EXT2: variants seen among roughly 807,000 people sequenced by gnomAD.
EXT2 encodes exostosin glycosyltransferase 2, also known as exostosin-2.
In EXT2, 53 loss-of-function variants were observed where a neutral mutation model predicts 81.6. The observed-to-expected ratio is 0.65, with a 90% CI of 0.52 to 0.82. The LOEUF (loss-of-function observed/expected upper bound fraction) is 0.82, where lower values mean the gene tolerates loss of function less well. EXT2 is among the 40% of genes least tolerant of loss of function. The probability of loss-of-function intolerance (pLI) is 0.00; values close to 1 mark genes in which losing one functional copy is unlikely to be tolerated. For synonymous variants in EXT2, 320 were observed against 340.0 expected (o/e 0.94, Z 0.65); for missense variants, 774 against 910.2 (o/e 0.85, Z 1.93).
At chr11:44,151,393 T>C (rs982886861) in intron 7 of EXT2, among the ~76,000 whole-genome samples, 33 of 152,160 alleles carry the variant, frequency 2.2e-4, no homozygotes, top group African/African-American at 8.0e-4. Context: ...TGCTCCCTTC[T>C]CCCAACTCTC....
At chr11:44,176,420 G>A (rs1955159231) in intron 8 of EXT2, among the ~76,000 whole-genome samples, 3 of 152,068 alleles carry the variant, frequency 2.0e-5, no homozygotes, top group Admixed American at 6.6e-5. Flanking sequence ...GGTAACATAA[G>A]CATAAAAAGC....
intron 13 of EXT2, among the ~76,000 whole-genome samples, chr11:44,238,642 G>A (rs1955998721): frequency 6.6e-6 from 1 of 152,158 alleles, no homozygotes; most frequent in South Asian, 2.1e-4. Flanking sequence ...AACTGATCAG[G>A]TGAAAGAGAA....
intron 10 of EXT2, among the ~76,000 whole-genome samples, chr11:44,231,750 T>C (rs1404089609): frequency 6.6e-6 from 1 of 152,202 alleles, no homozygotes; most frequent in Non-Finnish European, 1.5e-5. Context: ...ATCCCCAGTA[T>C]ACCCAATTCT....
chr11:44,205,756 T>C (rs1260732194), intron 9 of EXT2, among the ~76,000 whole-genome samples: 1 of 152,236 alleles, frequency 6.6e-6, no homozygotes, highest in Non-Finnish European at 1.5e-5. Flanking sequence ...CCAGGAGCGC[T>C]TTGGGACTTC....
rs532992950 is a variant in EXT2, at chr11:44,249,070, C to T, written c.*4783C>T. ...GGAGTGTAGTGCTGTGATCATGGCT[C>T]GCTGCAGCCTCAAACTCCTGGACTC... is the stretch of plus-strand genomic sequence containing the variant. On this transcript the variant is annotated 3_prime_UTR_variant, in exon 14 of 14. Transcript: ENST00000533608. 5.8e-4 allele frequency among the ~76,000 whole-genome samples: 89 copies of T among 152,150 alleles called. 1 individual carries two copies. The highest frequency in any genetic ancestry group is 2.0e-3 in the African/African-American group (82 of 41,502).
chr11:44,156,951 C>G (rs951112953), intron 7 of EXT2, among the ~76,000 whole-genome samples: 5 of 152,316 alleles, frequency 3.3e-5, no homozygotes, highest in African/African-American at 7.2e-5. Flanking sequence ...GGGCAGCACT[C>G]CAAGCCCAGT....
chr11:44,212,897 A>T lies in EXT2; in HGVS notation c.1662+5938A>T, dbSNP rs143337333. 6.5e-4 allele frequency among the ~76,000 whole-genome samples: 99 copies of T among 152,278 alleles called. 1 individual carries two copies. The highest frequency in any genetic ancestry group is 1.9e-3 in the African/African-American group (79 of 41,570). ...AAAACTACATTGCCAGGCCTGGGGG[A>T]TGGGATTGACCACAAAAAAGCAAGA... is the stretch of plus-strand genomic sequence containing the variant. On this transcript the variant is annotated intron_variant, in intron 10 of 13. Coordinates refer to ENST00000533608, the MANE Select transcript of EXT2 (RefSeq NM_207122.2).
At chr11:44,201,708 A>G (rs192762750) in intron 9 of EXT2, among the ~76,000 whole-genome samples, 3 of 152,248 alleles carry the variant, frequency 2.0e-5, no homozygotes, top group Non-Finnish European at 4.4e-5. Context: ...ATTTTTTTGA[A>G]AAAACTAATG....
intron 7 of EXT2, among the ~76,000 whole-genome samples, chr11:44,161,699 A>G (rs918005316): frequency 1.4e-4 from 21 of 152,306 alleles, no homozygotes; most frequent in African/African-American, 5.1e-4. Flanking sequence ...TGGGAACAGT[A>G]GTAATTTAGC....
At chr11:44,141,377 C>T (rs763026755) in intron 7 of EXT2, among the ~76,000 whole-genome samples, 2 of 152,006 alleles carry the variant, frequency 1.3e-5, no homozygotes, top group East Asian at 1.9e-4. Flanking sequence ...GATACAGAAC[C>T]GCAAATACAA....
At chr11:44,180,395 A>G (rs781484570) in intron 8 of EXT2, among the ~76,000 whole-genome samples, 7 of 152,146 alleles carry the variant, frequency 4.6e-5, no homozygotes, top group Non-Finnish European at 8.8e-5. Context: ...GTAAACAAGG[A>G]TTTTGTTTTC....
At chr11:44,100,498 C>G (rs879932856) in intron 1 of EXT2, among the ~76,000 whole-genome samples, 5 of 152,152 alleles carry the variant, frequency 3.3e-5, no homozygotes, top group Non-Finnish European at 5.9e-5. Flanking sequence ...AGCTCTAGCA[C>G]TTGAGCAGTG....
At chr11:44,200,470 G>A (rs1955509840) in intron 9 of EXT2, among the ~76,000 whole-genome samples, 1 of 152,172 alleles carries the variant, frequency 6.6e-6, no homozygotes, top group Non-Finnish European at 1.5e-5. Flanking sequence ...AGAAAAGGCA[G>A]GCTACTGCCT....
chr11:44,237,660 G>A (rs1213668050), intron 13 of EXT2, among the ~76,000 whole-genome samples: 2 of 152,080 alleles, frequency 1.3e-5, no homozygotes, highest in African/African-American at 2.4e-5. Flanking sequence ...TATGGTCCAG[G>A]AAAGGAAGTA....
chr11:44,190,346 G>A, intron 8 of EXT2, among the ~76,000 whole-genome samples: 1 of 152,180 alleles, frequency 6.6e-6, no homozygotes, highest in East Asian at 1.9e-4. Flanking sequence ...ATTGAGGTAA[G>A]GGTTGATAAC....
chr11:44,109,744 C>T (rs533106389), intron 3 of EXT2, among the ~76,000 whole-genome samples: 1 of 152,270 alleles, frequency 6.6e-6, no homozygotes, highest in African/African-American at 2.4e-5. Flanking sequence ...TCTGTCCGTT[C>T]CTCCCTCCCT....
At position 44,225,299 on chromosome 11, in the gene EXT2, C is replaced by T. The variant is rs577300621; in HGVS notation, c.1663-7054C>T. Among the ~76,000 whole-genome samples the T allele has an allele frequency of 7.2e-5, 11 of 152,314 alleles. No homozygotes were observed. The East Asian group carries it at 1.2e-3, about 16-fold the overall frequency. ...CTCTGCCTCAGAGCCTCACAGATTA[C>T]GAGGTTCCAGTAGGCCCTCAGATGT... On this transcript the variant is annotated intron_variant, in intron 10 of 13. Transcript: ENST00000533608.
intron 13 of EXT2, among the ~76,000 whole-genome samples, chr11:44,241,924 C>T (rs1956042005): frequency 1.3e-5 from 2 of 152,228 alleles, no homozygotes; most frequent in Admixed American, 1.3e-4. Context: ...AGGCCTGCCG[C>T]TTCTCCAGTG....
chr11:44,110,982 C>G lies in EXT2; in HGVS notation c.626+1699C>G, dbSNP rs142538791. Among the ~76,000 whole-genome samples the G allele has an allele frequency of 3.8e-3, 582 of 151,992 alleles. 2 individuals are homozygous for G. Among genetic ancestry groups the G allele is most frequent in the Non-Finnish European group, 6.2e-3 (421 of 68,010 alleles). ...AGATTTGTTTGTTAATTTTTCTTAT[C>G]CTTCATCCTTGCTCCTGGATTCAAA... On this transcript the variant is annotated intron_variant, in intron 3 of 13. Coordinates refer to ENST00000533608, the MANE Select transcript of EXT2 (RefSeq NM_207122.2).
Sources: gnomAD v4.1 joint callset for allele counts (sites outside exome capture counted in the v4.1 genomes callset) on GRCh38, gnomAD v4.1.1 for gene constraint, MANE v1.5 for transcripts, NCBI Gene and HGNC (gene_info 2026-07-23, HGNC 2026-07-21) for gene names.